LRBA: variants seen among roughly 807,000 people sequenced by gnomAD.
The protein encoded by LRBA is LPS responsive beige-like anchor protein.
LRBA carries 176 observed loss-of-function variants against 330.0 expected under a neutral mutation model. The observed-to-expected ratio is 0.53, with a 90% CI of 0.47 to 0.60. The LOEUF (loss-of-function observed/expected upper bound fraction) is 0.60. Ranked by LOEUF, LRBA falls within the 20% of genes least tolerant of loss-of-function variation. The pLI, the probability that LRBA is intolerant of heterozygous loss-of-function variation, is 0.00. For missense variants in LRBA, 3,259 were observed against 3,444.8 expected (o/e 0.95, Z 1.35); for synonymous variants, 1,230 against 1,193.0 (o/e 1.03, Z -0.64).
At chr4:150,660,467 C>A (rs1346607554) in intron 37 of LRBA, among the ~76,000 whole-genome samples, 1 of 151,182 alleles carries the variant, frequency 6.6e-6, no homozygotes, top group Admixed American at 6.6e-5. Flanking sequence ...CCGCCCCGTC[C>A]GGGAGGGAGG....
chr4:151,012,808 CTTTTTTTTTTTT>C (rs34281634), intron 2 of LRBA: 2 of 124,576 alleles, frequency 1.6e-5, no homozygotes, highest in Non-Finnish European at 3.3e-5. Context: ...AAGTGAATTT[CTTTTTTTTTTTT>C]TTTTTTTTGA....
intron 37 of LRBA, among the ~76,000 whole-genome samples, chr4:150,610,376 T>G (rs1452251500): frequency 6.6e-6 from 1 of 152,062 alleles, no homozygotes; most frequent in Non-Finnish European, 1.5e-5. Flanking sequence ...AATCACGAGG[T>G]CAGGAGTTCG....
chr4:150,555,504 A>C (rs1767183832), intron 40 of LRBA, among the ~76,000 whole-genome samples: 1 of 152,150 alleles, frequency 6.6e-6, no homozygotes, highest in South Asian at 2.1e-4. Flanking sequence ...TAATCCCAGC[A>C]CTTTGGGAGG....
At chr4:150,523,146 C>T (rs1232065908) in intron 40 of LRBA, among the ~76,000 whole-genome samples, 2 of 152,178 alleles carry the variant, frequency 1.3e-5, no homozygotes, top group Admixed American at 6.5e-5. Flanking sequence ...GGAGTTAAGA[C>T]TTTTGGTGCT....
chr4:150,556,776 AC>A (rs1183484522), intron 40 of LRBA, among the ~76,000 whole-genome samples: 1 of 152,234 alleles, frequency 6.6e-6, no homozygotes, highest in Non-Finnish European at 1.5e-5. Context: ...CATTAAATTT[AC>A]AAATGTTGTG....
chr4:150,876,881 G>C (rs945746143), intron 17 of LRBA, among the ~76,000 whole-genome samples: 13 of 152,056 alleles, frequency 8.5e-5, no homozygotes, highest in African/African-American at 3.1e-4. Context: ...AGTGTAAATG[G>C]TCTAAATGCC....
chr4:150,955,825 G>C (rs1390183514), intron 2 of LRBA, among the ~76,000 whole-genome samples: 2 of 148,362 alleles, frequency 1.3e-5, no homozygotes, highest in Non-Finnish European at 2.9e-5. Flanking sequence ...CCGGGAGGCA[G>C]AGGTTGTGGT....
At chr4:150,273,876 C>T (rs981398184) in intron 56 of LRBA, among the ~76,000 whole-genome samples, 7 of 152,092 alleles carry the variant, frequency 4.6e-5, no homozygotes, top group African/African-American at 1.4e-4. Flanking sequence ...TTTTAACACC[C>T]CACTGTCAAT....
At chr4:150,582,010 C>CG (rs1285194715) in intron 40 of LRBA, 21 of 13,396 alleles carry the variant, frequency 1.6e-3, no homozygotes, top group African/African-American at 6.6e-3. Flanking sequence ...GGAAGGGGGG[C>CG]GGGGGAGAGA....
chr4:150,945,643 T>C (rs1356543660), intron 2 of LRBA, among the ~76,000 whole-genome samples: 2 of 152,196 alleles, frequency 1.3e-5, no homozygotes, highest in African/African-American at 4.8e-5. Flanking sequence ...TTATCAAGTA[T>C]ATTAACATCA....
At chr4:150,756,235 C>T (rs896951421) in intron 35 of LRBA, among the ~76,000 whole-genome samples, 3 of 152,030 alleles carry the variant, frequency 2.0e-5, no homozygotes, top group African/African-American at 7.2e-5. Flanking sequence ...TGTCTCAGAA[C>T]AGCTGACTTG....
chr4:150,528,239 G>A (rs1317519567), intron 40 of LRBA, among the ~76,000 whole-genome samples: 3 of 152,048 alleles, frequency 2.0e-5, no homozygotes, highest in South Asian at 2.1e-4. Flanking sequence ...AGAATGATAC[G>A]TTGTAATCCC....
At chr4:150,783,407 A>C (rs1440829441) in intron 34 of LRBA, among the ~76,000 whole-genome samples, 1 of 152,238 alleles carries the variant, frequency 6.6e-6, no homozygotes, top group African/African-American at 2.4e-5. Context: ...CAAGTAAAGA[A>C]ATAGGTAAGC....
intron 33 of LRBA, among the ~76,000 whole-genome samples, chr4:150,802,594 A>G (rs555742506): frequency 6.6e-6 from 1 of 152,322 alleles, no homozygotes; most frequent in East Asian, 1.9e-4. Flanking sequence ...ACAAAGGGTT[A>G]TAACTACTTG....
At chr4:150,695,994 G>A (rs1277655143) in intron 36 of LRBA, among the ~76,000 whole-genome samples, 12 of 152,060 alleles carry the variant, frequency 7.9e-5, no homozygotes, top group Non-Finnish European at 1.3e-4. Flanking sequence ...TAGGGAGGTC[G>A]AGGCCAGCAA....
chr4:150,940,003 T>C (rs1735496434), intron 2 of LRBA, among the ~76,000 whole-genome samples: 1 of 152,150 alleles, frequency 6.6e-6, no homozygotes, highest in Non-Finnish European at 1.5e-5. Flanking sequence ...AAAATAGGTT[T>C]GTGATTGGTA....
chr4:150,826,168 T>C (rs535254709), intron 30 of LRBA, among the ~76,000 whole-genome samples: 13 of 152,304 alleles, frequency 8.5e-5, no homozygotes, highest in African/African-American at 2.9e-4. Context: ...AAGGCTAGAT[T>C]TAATGCCAGC....
At chr4:150,883,097 C>T (rs1042579965) in intron 17 of LRBA, among the ~76,000 whole-genome samples, 50 of 152,174 alleles carry the variant, frequency 3.3e-4, no homozygotes, top group African/African-American at 1.1e-3. Context: ...CTTACACCCC[C>T]ATTTAACTTT....
At chr4:150,693,097 AC>A (rs1784283190) in intron 36 of LRBA, among the ~76,000 whole-genome samples, 1 of 152,248 alleles carries the variant, frequency 6.6e-6, no homozygotes, top group Non-Finnish European at 1.5e-5. Context: ...TTACCTATCA[AC>A]AGTAGAAAGA....
Sources: allele counts gnomAD v4.1 joint callset (sites outside exome capture counted in the v4.1 genomes callset), GRCh38; gene constraint gnomAD v4.1.1; transcripts MANE v1.5; gene names NCBI Gene and HGNC (gene_info 2026-07-23, HGNC 2026-07-21).